CDIP1: variants seen among roughly 807,000 people sequenced by gnomAD.
CDIP1 encodes the protein cell death inducing p53 target 1, also known as cell death-inducing p53-target protein 1.
A neutral mutation model predicts 17.7 loss-of-function variants in CDIP1; 9 were observed. The ratio of observed to expected loss-of-function variants is 0.51; its 90% CI spans 0.31 to 0.89. CDIP1 has a LOEUF of 0.89. CDIP1 is among the 40% of genes least tolerant of loss of function. The probability of loss-of-function intolerance (pLI) is 0.05; values close to 1 mark genes in which losing one functional copy is unlikely to be tolerated. For missense variants in CDIP1, 263 were observed against 277.9 expected (o/e 0.95, Z 0.38); for synonymous variants, 117 against 109.5 (o/e 1.07, Z -0.43).
chr16:4,521,269 G>A (rs180989601), intron 1 of CDIP1, among the ~76,000 whole-genome samples: 3 of 152,238 alleles, frequency 2.0e-5, no homozygotes, highest in East Asian at 1.9e-4. Context: ...AATCATGGCC[G>A]TGTTATTATT....
At chr16:4,532,131 G>C (rs2059062505) in intron 1 of CDIP1, 1 of 152,228 alleles carries the variant, frequency 6.6e-6, no homozygotes, top group Non-Finnish European at 1.5e-5. Flanking sequence ...ATGCAAATCA[G>C]CACCCCCAAC....
intron 1 of CDIP1, among the ~76,000 whole-genome samples, chr16:4,515,882 G>A (rs1479267463): frequency 6.6e-6 from 1 of 152,084 alleles, no homozygotes; most frequent in Non-Finnish European, 1.5e-5. Flanking sequence ...TTCCTCAAAA[G>A]GTTAAACCTA....
At chr16:4,527,936 C>T (rs954637670) in intron 1 of CDIP1, among the ~76,000 whole-genome samples, 3 of 152,168 alleles carry the variant, frequency 2.0e-5, no homozygotes, top group African/African-American at 7.2e-5. Context: ...TCTGCCTCAG[C>T]CTCCTGAATA....
At position 4,514,033 on chromosome 16, in the gene CDIP1, A is replaced by G; in HGVS notation, c.85+13T>C. 6.7e-7 allele frequency: 1 copy of G among 1,485,382 alleles called. No homozygotes were observed. 92.0% of individuals were successfully genotyped at this position (1,485,382 alleles called of 1,614,324 possible). On this transcript the variant is annotated intron_variant, in intron 3 of 5. Coordinates refer to ENST00000567695, the MANE Select transcript of CDIP1 (RefSeq NM_013399.3). The surrounding 1 kb of genome is among the most constrained non-coding windows in gnomAD (Gnocchi z 5.2). ...GGCTGCAATATGGAGCCTCAGGAAC[A>G]GTGACCCCCTACCTGGGGTGGGCGG...
Position 4,513,787 on chromosome 16 carries a change from GC to G in CDIP1, c.149del (p.Gly50AlafsTer22). 6.2e-7 allele frequency: 1 copy of G among 1,604,514 alleles called. No homozygotes were observed. The highest frequency in any genetic ancestry group is 8.5e-7 in the Non-Finnish European group (1 of 1,173,102). ...GACCCGGCGGCTCATAGGGTGGGGG[GC>G]CAATGTCCGCAGGGGGCAGTGGCAT... ...PGMPLPPADIGPPPYEPPGHP... is the reference protein window; with the variant it reads ...PGMPLPPADIXPPPYEPPGHP... On this transcript the variant is annotated frameshift_variant, in exon 4 of 6. Transcript: ENST00000567695. LOFTEE classifies it high-confidence loss of function. This position sits in a 1 kb window ranked among gnomAD's most constrained non-coding sequence, Gnocchi z 4.1.
chr16:4,533,299 A>C (rs928887554), intron 1 of CDIP1: 1 of 152,254 alleles, frequency 6.6e-6, no homozygotes, highest in Non-Finnish European at 1.5e-5. Flanking sequence ...GAAAGTTGTG[A>C]TCAAGGCCAT....
chr16:4,523,098 G>C (rs1295476296), intron 1 of CDIP1, among the ~76,000 whole-genome samples: 1 of 152,220 alleles, frequency 6.6e-6, no homozygotes, highest in Non-Finnish European at 1.5e-5. Flanking sequence ...CCCAGGGCTG[G>C]GCTGAAGCAC....
intron 1 of CDIP1, among the ~76,000 whole-genome samples, chr16:4,516,505 C>A (rs1349640016): frequency 6.6e-6 from 1 of 152,090 alleles, no homozygotes; most frequent in African/African-American, 2.4e-5. Context: ...TCTGTATGCA[C>A]AGGCACCTGT....
chr16:4,531,001 T>G (rs11644481), intron 1 of CDIP1, among the ~76,000 whole-genome samples: 82,459 of 151,486 alleles, frequency 0.54, 25,856 homozygotes, highest in Non-Finnish European at 0.7. Context: ...AAACAGGAGC[T>G]CACGTCATGA....
rs746558984 is a variant in CDIP1 at position 4,512,942 on chromosome 16, C to T, written c.364G>A (p.Ala122Thr). 6.9e-6 allele frequency: 11 copies of T among 1,583,902 alleles called. No homozygotes were observed. In the South Asian group the frequency reaches 1.3e-4, roughly 18 times the overall value. The change falls in exon 5 of 6, where the codon GCC (alanine) becomes ACC (threonine). Residue 122 changes from alanine to threonine, a missense_variant. By Grantham distance (58) the Ala-to-Thr change is moderately conservative. Transcript: ENST00000567695. The surrounding 1 kb of genome is among the most constrained non-coding windows in gnomAD (Gnocchi z 4.6). ...CCCTGCAGCACTGTCACCGTGGTGG[C>T]AGCTCCTGAAGGGACCAGGACTGTG... ...TATVLVPSGA[A>T]TTVTVLQGEI...
intron 1 of CDIP1, among the ~76,000 whole-genome samples, chr16:4,524,483 G>T (rs1310750177): frequency 6.6e-6 from 1 of 152,210 alleles, no homozygotes; most frequent in Non-Finnish European, 1.5e-5. Flanking sequence ...TTCTTAGAGT[G>T]ACAAAGCTTT....
At chr16:4,530,186 A>G (rs1377692769) in intron 1 of CDIP1, among the ~76,000 whole-genome samples, 3 of 152,208 alleles carry the variant, frequency 2.0e-5, no homozygotes, top group South Asian at 2.1e-4. Flanking sequence ...AGGAACTGAG[A>G]GTGGGAATCT....
intron 1 of CDIP1, among the ~76,000 whole-genome samples, chr16:4,537,111 A>G (rs1274785757): frequency 2.0e-5 from 3 of 152,168 alleles, no homozygotes; most frequent in African/African-American, 7.2e-5. Flanking sequence ...CCCAATAAAC[A>G]ACAATTCTAA....
intron 1 of CDIP1, among the ~76,000 whole-genome samples, chr16:4,537,679 C>G (rs2059123066): frequency 6.6e-6 from 1 of 152,242 alleles, no homozygotes; most frequent in Non-Finnish European, 1.5e-5. Flanking sequence ...GACGGAACTA[C>G]AGCATCCCAA....
chr16:4,534,841 C>G (rs1051053607), intron 1 of CDIP1, among the ~76,000 whole-genome samples: 1 of 151,998 alleles, frequency 6.6e-6, no homozygotes, highest in African/African-American at 2.4e-5. Flanking sequence ...GTCTCAGCCT[C>G]CGGAGTAGCT....
chr16:4,526,091 A>G (rs1251295339), intron 1 of CDIP1, among the ~76,000 whole-genome samples: 1 of 152,140 alleles, frequency 6.6e-6, no homozygotes, highest in Non-Finnish European at 1.5e-5. Flanking sequence ...CTCCTCGACC[A>G]TGATGAGTCT....
Position 4,513,539 on chromosome 16 carries a change from C to CCTGTCCACACACAGCCT in CDIP1, c.241+140_241+156dup, listed in dbSNP as rs1437778547. Among the ~76,000 whole-genome samples the CCTGTCCACACACAGCCT allele has an allele frequency of 2.0e-5, 3 of 152,192 alleles. No homozygotes were observed. Among genetic ancestry groups the CCTGTCCACACACAGCCT allele is most frequent in the Admixed American group, 2.0e-4 (3 of 15,288 alleles). Reference sequence around the variant, plus strand: ...GTCCCACCTTCCCACGTCCACAGTCCCTGTCCACACACAGCCTGAGCCCTA... The same window carrying CCTGTCCACACACAGCCT: ...GTCCCACCTTCCCACGTCCACAGTCCCTGTCCACACACAGCCTCTGTCCACACACAGCCTGAGCCCTA... On this transcript the variant is annotated intron_variant, in intron 4 of 5. Transcript: ENST00000567695. The surrounding 1 kb of genome is among the most constrained non-coding windows in gnomAD (Gnocchi z 4.1).
chr16:4,516,156 A>G (rs1660896013), intron 1 of CDIP1, among the ~76,000 whole-genome samples: 1 of 152,232 alleles, frequency 6.6e-6, no homozygotes, highest in Admixed American at 6.5e-5. Flanking sequence ...TGGTGAGAGA[A>G]GCCAGACACA....
intron 1 of CDIP1, among the ~76,000 whole-genome samples, chr16:4,517,790 T>TG (rs2058903471): frequency 6.6e-6 from 1 of 150,782 alleles, no homozygotes; most frequent in Non-Finnish European, 1.5e-5. Context: ...CAGTGCCTCT[T>TG]GGGGCTGGTC....
Sources: allele counts gnomAD v4.1 joint callset (sites outside exome capture counted in the v4.1 genomes callset), GRCh38; gene constraint gnomAD v4.1.1; non-coding constraint Gnocchi (gnomAD v3.1); transcripts MANE v1.5; gene names NCBI Gene and HGNC (gene_info 2026-07-23, HGNC 2026-07-21).